MIER2: variants seen among roughly 807,000 people sequenced by gnomAD.
The protein encoded by MIER2 is MIER family member 2.
Under a neutral mutation model 67.6 loss-of-function variants are expected in MIER2, and 30 were observed. The ratio of observed to expected loss-of-function variants is 0.44; its 90% CI spans 0.33 to 0.60. The LOEUF (loss-of-function observed/expected upper bound fraction) is 0.60. MIER2 is among the 20% of genes least tolerant of loss of function. The probability of loss-of-function intolerance (pLI) is 0.02; values close to 1 mark genes in which losing one functional copy is unlikely to be tolerated. For missense variants in MIER2, 702 were observed against 745.1 expected (o/e 0.94, Z 0.67); for synonymous variants, 372 against 312.6 (o/e 1.19, Z -2.00).
At chr19:344,405 G>A (rs1164159915) in intron 1 of MIER2, 10 of 983,294 alleles carry the variant, frequency 1.0e-5, no homozygotes, top group East Asian at 1.1e-4. Context: ...CGCGGGGCCC[G>A]GGCCGGGGCC....
intron 1 of MIER2, among the ~76,000 whole-genome samples, chr19:336,709 C>T (rs1266799554): frequency 6.6e-5 from 10 of 152,128 alleles, no homozygotes; most frequent in African/African-American, 2.4e-4. Context: ...GTGATGGTTG[C>T]ATGGTCGTGA....
At chr19:335,367 C>A (rs1326225955) in intron 2 of MIER2, among the ~76,000 whole-genome samples, 1 of 152,208 alleles carries the variant, frequency 6.6e-6, no homozygotes, top group Non-Finnish European at 1.5e-5. Flanking sequence ...GCACAGAGGA[C>A]CCCCAGCGGC....
At chr19:311,563 C>G (rs551300006) in intron 10 of MIER2, among the ~76,000 whole-genome samples, 1 of 152,264 alleles carries the variant, frequency 6.6e-6, no homozygotes, top group Admixed American at 6.5e-5. Context: ...GATGAGGTGC[C>G]CAGGGCCCTG....
At chr19:340,897 C>T (rs1972472735) in intron 1 of MIER2, among the ~76,000 whole-genome samples, 1 of 152,104 alleles carries the variant, frequency 6.6e-6, no homozygotes, top group Admixed American at 6.5e-5. Context: ...GCAGGGCCCC[C>T]AGGGGGAAGG....
At chr19:323,084 G>A (rs765854739) in intron 7 of MIER2, among the ~76,000 whole-genome samples, 1 of 148,948 alleles carries the variant, frequency 6.7e-6, no homozygotes, top group Non-Finnish European at 1.5e-5. Context: ...CAATACACAC[G>A]ACACACACAA....
chr19:339,830 G>A (rs1428944394), intron 1 of MIER2, among the ~76,000 whole-genome samples: 1 of 152,016 alleles, frequency 6.6e-6, no homozygotes, highest in African/African-American at 2.4e-5. Flanking sequence ...TGGGGTTTGG[G>A]GAGTGACCAC....
chr19:326,294 A>G (rs1018292035), intron 6 of MIER2, among the ~76,000 whole-genome samples: 1 of 150,032 alleles, frequency 6.7e-6, no homozygotes, highest in Non-Finnish European at 1.5e-5. Context: ...CACAGTCCGG[A>G]TGCCAGGTTG....
intron 13 of MIER2, 74 bp downstream of exon 13, chr19:307,045 C>T: frequency 6.7e-7 from 1 of 1,486,342 alleles, no homozygotes; most frequent in African/African-American, 1.4e-5. Flanking sequence ...CTCCCACCCT[C>T]CTCTGCTCAG....
At chr19:338,794 T>G (rs1972376793) in intron 1 of MIER2, among the ~76,000 whole-genome samples, 2 of 152,040 alleles carry the variant, frequency 1.3e-5, no homozygotes, top group Admixed American at 1.3e-4. Flanking sequence ...ATCAAAACAG[T>G]TCCATGAAGG....
rs1474623680 is a variant in MIER2, at chr19:307,422, G to C, written c.1313C>G (p.Pro438Arg). 6.2e-7 allele frequency: 1 copy of C among 1,600,030 alleles called. No individual in the cohort carries two copies. Reference sequence around the variant, plus strand: ...GGGCCGATGGGACAGGGGTACAGCGGGGGACTCATCCAGCTGCTGGAAGGA... The same window carrying C: ...GGGCCGATGGGACAGGGGTACAGCGCGGGACTCATCCAGCTGCTGGAAGGA... ...PCSFQQLDESPAVPLSHRPPA... is the reference protein window; with the variant it reads ...PCSFQQLDESRAVPLSHRPPA... Residue 438 changes from proline to arginine, a missense_variant, in exon 13 of 14, where the codon CCC (proline) becomes CGC (arginine). Transcript: ENST00000264819.
At chr19:312,067 C>A (rs138322927) in intron 9 of MIER2, 124 bp downstream of exon 9, 4 of 1,341,214 alleles carry the variant, frequency 3.0e-6, no homozygotes, top group Non-Finnish European at 4.1e-6. Flanking sequence ...AGGCCCAGGC[C>A]GGGGAGAACG....
intron 2 of MIER2, among the ~76,000 whole-genome samples, chr19:335,071 G>A (rs995166140): frequency 2.0e-5 from 3 of 152,254 alleles, no homozygotes; most frequent in African/African-American, 7.2e-5. Flanking sequence ...GATGTACATG[G>A]CCCAACAGTT....
At chr19:329,827 C>T (rs1175233846) in intron 3 of MIER2, among the ~76,000 whole-genome samples, 1 of 140,824 alleles carries the variant, frequency 7.1e-6, no homozygotes, top group Non-Finnish European at 1.5e-5. Flanking sequence ...CATTGTGCTA[C>T]TGCACTCCAG....
chr19:337,211 A>G (rs1972297504), intron 1 of MIER2, among the ~76,000 whole-genome samples: 1 of 152,202 alleles, frequency 6.6e-6, no homozygotes, highest in African/African-American at 2.4e-5. Context: ...AGCAACACAT[A>G]AAGATGATTA....
chr19:344,352 C>A, intron 1 of MIER2: 1 of 985,040 alleles, frequency 1.0e-6, no homozygotes, highest in Non-Finnish European at 1.2e-6. Context: ...GGCCCCAGCA[C>A]TCGGCAAAGT....
At chr19:307,564 G>A in intron 12 of MIER2, 28 bp from the exon 13 acceptor site, 2 of 1,485,110 alleles carry the variant, frequency 1.3e-6, no homozygotes, top group Non-Finnish European at 1.8e-6. Flanking sequence ...ACAGAGGGTG[G>A]GGCCTGCCCA....
At chr19:328,606 T>G (rs1477075469) in intron 3 of MIER2, among the ~76,000 whole-genome samples, 1 of 151,986 alleles carries the variant, frequency 6.6e-6, no homozygotes, top group African/African-American at 2.4e-5. Flanking sequence ...AAATTAGCTG[T>G]GCTTGGTGGC....
Position 324,431 on chromosome 19 carries a change from C to T in MIER2, c.655+1204G>A, listed in dbSNP as rs1482327532. On this transcript the variant is annotated intron_variant, in intron 7 of 13. Coordinates refer to ENST00000264819, the MANE Select transcript of MIER2 (RefSeq NM_017550.3). Reference sequence around the variant, plus strand: ...CACAATGCAATAAAGACACACACAACCACGCAGACGACTCGAATGACACAG... The same window carrying T: ...CACAATGCAATAAAGACACACACAATCACGCAGACGACTCGAATGACACAG... Among the ~76,000 whole-genome samples the T allele has an allele frequency of 2.1e-5, 3 of 141,218 alleles. 1 individual carries two copies. The highest frequency in any genetic ancestry group is 8.5e-5 in the African/African-American group (3 of 35,414). 92.6% of individuals were successfully genotyped at this position (141,218 alleles called of 152,430 possible).
chr19:317,563 T>TAAATAAATAAATAAAA (rs1361780050), intron 7 of MIER2, among the ~76,000 whole-genome samples: 13 of 145,618 alleles, frequency 8.9e-5, no homozygotes, highest in South Asian at 8.7e-4. Flanking sequence ...AATAAATAAA[T>TAAATAAATAAATAAAA]AAAATAAAAA....
Sources: gnomAD v4.1 joint callset for allele counts (sites outside exome capture counted in the v4.1 genomes callset) on GRCh38, gnomAD v4.1.1 for gene constraint, MANE v1.5 for transcripts, NCBI Gene and HGNC (gene_info 2026-07-23, HGNC 2026-07-21) for gene names.